SLC24A4: variants seen among roughly 807,000 people sequenced by gnomAD.
The protein encoded by SLC24A4 is solute carrier family 24 member 4.
A neutral mutation model predicts 79.0 loss-of-function variants in SLC24A4; 53 were observed. That is an observed-to-expected ratio of 0.67 (90% CI 0.54 to 0.84). The LOEUF (loss-of-function observed/expected upper bound fraction) is 0.84, where lower values mean the gene tolerates loss of function less well. Ranked by LOEUF, SLC24A4 falls within the 40% of genes least tolerant of loss-of-function variation. SLC24A4 has a pLI of 0.00. For missense variants in SLC24A4, 731 were observed against 822.0 expected (o/e 0.89, Z 1.35); for synonymous variants, 323 against 323.8 (o/e 1.00, Z 0.03).
chr14:92,493,664 C>A lies in SLC24A4; in HGVS notation c.*36C>A. 6.2e-7 allele frequency: 1 copy of A among 1,609,874 alleles called. No individual in the cohort carries two copies. Among genetic ancestry groups the A allele is most frequent in the Non-Finnish European group, 8.5e-7 (1 of 1,177,570 alleles). On this transcript the variant is annotated 3_prime_UTR_variant, in exon 17 of 17. Transcript: ENST00000532405. ...CGGCCCCTGGGAGCTGATCTGGACA[C>A]CCTGTGACACTGGCGTTCTCCTCTC...
intron 2 of SLC24A4, among the ~76,000 whole-genome samples, chr14:92,343,856 C>T (rs1399753699): frequency 6.6e-6 from 1 of 152,128 alleles, no homozygotes; most frequent in African/African-American, 2.4e-5. Context: ...GTGTGCACCA[C>T]TACACCCAGC....
At chr14:92,465,797 C>T (rs1184455794) in intron 12 of SLC24A4, among the ~76,000 whole-genome samples, 1 of 152,156 alleles carries the variant, frequency 6.6e-6, no homozygotes, top group African/African-American at 2.4e-5. Context: ...GCCAGGGAGG[C>T]GTCTCTTCCT....
At chr14:92,338,998 C>G (rs1192904642) in intron 2 of SLC24A4, among the ~76,000 whole-genome samples, 1 of 152,168 alleles carries the variant, frequency 6.6e-6, no homozygotes, top group African/African-American at 2.4e-5. Flanking sequence ...GAGCTGTGCC[C>G]CCACAAAAGT....
chr14:92,447,612 G>A (rs555182414), intron 9 of SLC24A4, among the ~76,000 whole-genome samples, 188 bp downstream of exon 9: 1 of 152,156 alleles, frequency 6.6e-6, no homozygotes, highest in African/African-American at 2.4e-5. Flanking sequence ...TGTTCCGGGG[G>A]TGCCGTCCAC....
rs1896016357 is a variant in SLC24A4, at chr14:92,498,540, C to T, written c.*4912C>T. The T allele has an allele frequency of 6.6e-6, 1 of 151,452 alleles. No individual in the cohort carries two copies. Among genetic ancestry groups the T allele is most frequent in the Non-Finnish European group, 1.5e-5 (1 of 68,124 alleles). 9.4% of individuals were successfully genotyped at this position (151,452 alleles called of 1,614,324 possible). On this transcript the variant is annotated 3_prime_UTR_variant, in exon 17 of 17. Coordinates refer to ENST00000532405, the MANE Select transcript of SLC24A4 (RefSeq NM_153646.4). ...TTGAGACAGGGTCTCGCTCTGTCGC[C>T]TAGACTCAGTGCAGTGGCGCCATGT...
chr14:92,422,680 T>C (rs939769898), intron 2 of SLC24A4, among the ~76,000 whole-genome samples: 7 of 152,244 alleles, frequency 4.6e-5, no homozygotes, highest in African/African-American at 1.7e-4. Context: ...GAAGCTATTT[T>C]TCCAAAAAGA....
At chr14:92,390,054 T>A (rs1028371732) in intron 2 of SLC24A4, among the ~76,000 whole-genome samples, 8 of 152,006 alleles carry the variant, frequency 5.3e-5, no homozygotes, top group Non-Finnish European at 2.9e-5. Flanking sequence ...AAACCCTGCC[T>A]CACATCACTC....
chr14:92,372,988 T>C (rs924333033), intron 2 of SLC24A4, among the ~76,000 whole-genome samples: 2 of 126,906 alleles, frequency 1.6e-5, no homozygotes, highest in South Asian at 3.0e-4. Flanking sequence ...TCCCTCTCCC[T>C]CTCTCTCTCT....
intron 2 of SLC24A4, among the ~76,000 whole-genome samples, chr14:92,400,992 G>A (rs1890085571): frequency 6.6e-6 from 1 of 152,168 alleles, no homozygotes; most frequent in African/African-American, 2.4e-5. Flanking sequence ...AAGCTGAAGT[G>A]AAAGAGATTC....
chr14:92,388,891 C>T (rs946473322), intron 2 of SLC24A4, among the ~76,000 whole-genome samples: 14 of 152,176 alleles, frequency 9.2e-5, no homozygotes, highest in East Asian at 1.9e-4. Context: ...AGCCTGCATG[C>T]GGAGCAGAGA....
chr14:92,373,726 T>C (rs1379444391), intron 2 of SLC24A4, among the ~76,000 whole-genome samples: 1 of 152,212 alleles, frequency 6.6e-6, no homozygotes, highest in Non-Finnish European at 1.5e-5. Flanking sequence ...GAAAGAACAC[T>C]CTTCACTTAG....
chr14:92,440,208 C>T (rs1892412077), intron 4 of SLC24A4, among the ~76,000 whole-genome samples: 1 of 152,092 alleles, frequency 6.6e-6, no homozygotes, highest in Non-Finnish European at 1.5e-5. Context: ...TGGACCTGGG[C>T]CCCCCAAGCG....
At chr14:92,342,662 G>A (rs545638629) in intron 2 of SLC24A4, among the ~76,000 whole-genome samples, 2 of 152,192 alleles carry the variant, frequency 1.3e-5, no homozygotes, top group African/African-American at 2.4e-5. Flanking sequence ...GATTACAGGC[G>A]TGCACCACCG....
At chr14:92,472,447 T>C (rs769981718) in intron 12 of SLC24A4, among the ~76,000 whole-genome samples, 16 of 152,186 alleles carry the variant, frequency 1.1e-4, no homozygotes, top group Admixed American at 5.9e-4. Flanking sequence ...ATCATTCTTA[T>C]GCCTTTGGAT....
chr14:92,450,050 T>C (rs1361526727), intron 10 of SLC24A4, among the ~76,000 whole-genome samples: 1 of 152,232 alleles, frequency 6.6e-6, no homozygotes, highest in East Asian at 1.9e-4. Flanking sequence ...GGCTGGTTCT[T>C]GCAATTGGTA....
At chr14:92,380,858 C>T (rs74871048) in intron 2 of SLC24A4, among the ~76,000 whole-genome samples, 3,386 of 152,262 alleles carry the variant, frequency 0.022, 71 homozygotes, top group African/African-American at 0.052. Context: ...CGCTCATGAG[C>T]TGAGTGACCG....
intron 2 of SLC24A4, among the ~76,000 whole-genome samples, chr14:92,411,482 C>A (rs1388907708): frequency 6.6e-6 from 1 of 152,144 alleles, no homozygotes; most frequent in Non-Finnish European, 1.5e-5. Flanking sequence ...CAGGTAATTC[C>A]CTTCTTTCAT....
chr14:92,418,751 G>T (rs1891120640), intron 2 of SLC24A4, among the ~76,000 whole-genome samples: 1 of 152,126 alleles, frequency 6.6e-6, no homozygotes, highest in Admixed American at 6.5e-5. Flanking sequence ...CCCCAGGCTG[G>T]AGTGCAGTGG....
At chr14:92,480,759 T>A (rs1375199142) in intron 12 of SLC24A4, among the ~76,000 whole-genome samples, 1 of 152,188 alleles carries the variant, frequency 6.6e-6, no homozygotes, top group Non-Finnish European at 1.5e-5. Flanking sequence ...TGTTATTTCA[T>A]TTCCCATGTA....
Sources: gnomAD v4.1 joint callset for allele counts (sites outside exome capture counted in the v4.1 genomes callset) on GRCh38, gnomAD v4.1.1 for gene constraint, MANE v1.5 for transcripts, NCBI Gene and HGNC (gene_info 2026-07-23, HGNC 2026-07-21) for gene names.